The following EYS variants were observed in gnomAD, a reference collection of about 807,000 sequenced individuals.
The protein encoded by EYS is EGF-like photoreceptor maintenance factor.
In EYS, 250 loss-of-function variants were observed where a neutral mutation model predicts 282.1. The observed-to-expected ratio is 0.89, with a 90% CI of 0.80 to 0.98. The LOEUF is 0.98. EYS is among the 50% of genes least tolerant of loss of function. The pLI is 0.00. For missense variants in EYS, 4,016 were observed against 3,709.0 expected, an observed-to-expected ratio of 1.08 and a Z score of -2.15; for synonymous variants, 1,355 against 1,282.9, an observed-to-expected ratio of 1.06 and a Z score of -1.20.
chr6:65,609,975 T>C (rs550566882), intron 2 of EYS, among the ~76,000 whole-genome samples: 11 of 152,256 alleles, frequency 7.2e-5, no homozygotes, highest in African/African-American at 2.6e-4. Flanking sequence ...TTTTAGGTCA[T>C]TGCAGCCTTG....
At chr6:65,675,745 T>C (rs1189393340) in intron 1 of EYS, among the ~76,000 whole-genome samples, 1 of 151,858 alleles carries the variant, frequency 6.6e-6, no homozygotes, top group East Asian at 1.9e-4. Context: ...TATAGTCTGA[T>C]TGAACCCAAC....
At chr6:64,813,285 T>G (rs1026236328) in intron 22 of EYS, 93 bp downstream of exon 22, 8 of 869,694 alleles carry the variant, frequency 9.2e-6, no homozygotes, top group Non-Finnish European at 1.2e-5. Context: ...ACTTCAAAAC[T>G]TAGTATTTAC....
chr6:64,079,389 T>C (rs1014090387), intron 32 of EYS, among the ~76,000 whole-genome samples: 2 of 152,062 alleles, frequency 1.3e-5, no homozygotes, highest in Non-Finnish European at 2.9e-5. Flanking sequence ...TAACTTCACC[T>C]GGCTTTCCTA....
intron 35 of EYS, among the ~76,000 whole-genome samples, chr6:63,950,368 G>A (rs1184099219): frequency 2.0e-5 from 3 of 151,946 alleles, no homozygotes; most frequent in African/African-American, 7.3e-5. Context: ...TGGCTCAGAA[G>A]CTCCCCCACT....
chr6:64,557,867 TA>T (rs758574732), intron 26 of EYS, among the ~76,000 whole-genome samples: 4,600 of 152,110 alleles, frequency 0.03, 150 homozygotes, highest in East Asian at 0.11. Flanking sequence ...TACTACAATG[TA>T]TGTCAGAACT....
At chr6:64,743,340 C>T (rs940440374) in intron 22 of EYS, among the ~76,000 whole-genome samples, 3 of 151,968 alleles carry the variant, frequency 2.0e-5, no homozygotes, top group Admixed American at 1.3e-4. Context: ...ATCTAAAATG[C>T]CTTTTAATTT....
chr6:65,423,010 T>G (rs1458081248), intron 5 of EYS, among the ~76,000 whole-genome samples: 1 of 151,652 alleles, frequency 6.6e-6, no homozygotes, highest in Non-Finnish European at 1.5e-5. Flanking sequence ...AAAAAGCACA[T>G]GACAATAGAA....
At chr6:64,420,239 C>T (rs571274771) in intron 28 of EYS, among the ~76,000 whole-genome samples, 204 of 150,862 alleles carry the variant, frequency 1.4e-3, no homozygotes, top group Non-Finnish European at 2.0e-3. Flanking sequence ...TTTGAGCCAC[C>T]GCTACAGTGG....
At chr6:63,830,649 A>G (rs886687065) in intron 36 of EYS, among the ~76,000 whole-genome samples, 4 of 152,232 alleles carry the variant, frequency 2.6e-5, no homozygotes, top group African/African-American at 9.6e-5. Flanking sequence ...TCTTCAGGAT[A>G]TTATCCAGGA....
chr6:64,158,626 C>T (rs867247346), intron 31 of EYS, among the ~76,000 whole-genome samples: 25 of 152,200 alleles, frequency 1.6e-4, no homozygotes, highest in African/African-American at 5.8e-4. Context: ...CTCAGTCTCA[C>T]TCTTCATTAC....
intron 26 of EYS, among the ~76,000 whole-genome samples, chr6:64,481,465 G>C (rs2150499643): frequency 6.7e-6 from 1 of 150,312 alleles, no homozygotes; most frequent in East Asian, 2.0e-4. Flanking sequence ...GAAGAAAGGT[G>C]ATCATTTTGA....
intron 31 of EYS, among the ~76,000 whole-genome samples, chr6:64,132,446 A>G (rs573232285): frequency 1.3e-5 from 2 of 152,062 alleles, no homozygotes; most frequent in African/African-American, 4.8e-5. Flanking sequence ...ATCTTTAGAG[A>G]TAATAAATTT....
At position 65,036,618 on chromosome 6, in the gene EYS, C is replaced by CAA. The variant is rs553556855; in HGVS notation, c.2137+20994_2137+20995dup. ...AAGGAACTTAAACAAATTAGTAAGC[C>CAA]AAAAAAAAAACAAAAAAACACCATT... is the stretch of plus-strand genomic sequence containing the variant. On this transcript the variant is annotated intron_variant, in intron 13 of 42. Transcript: ENST00000503581. Among the ~76,000 whole-genome samples the CAA allele has an allele frequency of 5.3e-3, 721 of 135,372 alleles. 6 individuals are homozygous for CAA. Among genetic ancestry groups the CAA allele is most frequent in the African/African-American group, 0.017 (631 of 36,584 alleles). The allele number at this position is 135,372 out of a possible 152,430, so 88.8% of individuals were successfully genotyped here.
At chr6:65,366,877 T>TA (rs1326603521) in intron 8 of EYS, among the ~76,000 whole-genome samples, 1 of 151,560 alleles carries the variant, frequency 6.6e-6, no homozygotes, top group Admixed American at 6.7e-5. Flanking sequence ...CCTTCAGCTT[T>TA]AAAAAATAAC....
chr6:64,368,401 CAT>C (rs1772247590), intron 29 of EYS, among the ~76,000 whole-genome samples: 1 of 152,074 alleles, frequency 6.6e-6, no homozygotes, highest in Non-Finnish European at 1.5e-5. Flanking sequence ...CTGCGATAAA[CAT>C]ATGTGCACGT....
At chr6:64,994,949 G>C (rs1034385833) in intron 14 of EYS, among the ~76,000 whole-genome samples, 1 of 152,116 alleles carries the variant, frequency 6.6e-6, no homozygotes, top group Admixed American at 6.6e-5. Flanking sequence ...TGGCTCCTGG[G>C]AGATAACCTC....
rs142705783 is a variant in EYS, at chr6:64,981,209, T to G, written c.2259+16373A>C. Among the ~76,000 whole-genome samples, 416 of 151,494 alleles carry G rather than the reference T, an allele frequency of 2.7e-3. 3 individuals carry two copies. The highest frequency in any genetic ancestry group is 9.4e-3 in the African/African-American group (390 of 41,454). On this transcript the variant is annotated intron_variant, in intron 14 of 42. Coordinates refer to ENST00000503581, the MANE Select transcript of EYS (RefSeq NM_001142800.2). Reference sequence around the variant, plus strand: ...ATAAACATTCCTGGCTTTCAAGAACTGACATGAGAAAAAGAATACGTAAAG... The same window carrying G: ...ATAAACATTCCTGGCTTTCAAGAACGGACATGAGAAAAAGAATACGTAAAG...
chr6:63,988,876 A>T (rs1767486175), intron 34 of EYS, among the ~76,000 whole-genome samples: 1 of 151,628 alleles, frequency 6.6e-6, no homozygotes, highest in Non-Finnish European at 1.5e-5. Flanking sequence ...TTATTCTTTT[A>T]TGATACGTAT....
intron 12 of EYS, among the ~76,000 whole-genome samples, chr6:65,251,450 T>C (rs1309364150): frequency 2.3e-5 from 3 of 133,176 alleles, no homozygotes; most frequent in Admixed American, 1.4e-4. Flanking sequence ...TCCTAGGATT[T>C]CCAAACAAAA....
Sources: allele counts gnomAD v4.1 joint callset (sites outside exome capture counted in the v4.1 genomes callset), GRCh38; gene constraint gnomAD v4.1.1; transcripts MANE v1.5; gene names NCBI Gene and HGNC (gene_info 2026-07-23, HGNC 2026-07-21).